Variants in PIK3AP1 observed in about 807,000 individuals in gnomAD.
PIK3AP1 encodes phosphoinositide-3-kinase adaptor protein 1.
PIK3AP1 carries 21 observed loss-of-function variants against 88.1 expected under a neutral mutation model. The observed-to-expected ratio is 0.24, with a 90% confidence interval of 0.17 to 0.34. PIK3AP1 has a LOEUF of 0.34. PIK3AP1 is among the 10% of genes least tolerant of loss of function. PIK3AP1 has a pLI of 1.00. For missense variants in PIK3AP1, 828 were observed against 1,035.7 expected (o/e 0.80, Z 2.75); for synonymous variants, 398 against 400.0 (o/e 1.00, Z 0.06).
chr10:96,697,628 C>A (rs1844238760), intron 2 of PIK3AP1, among the ~76,000 whole-genome samples: 1 of 152,030 alleles, frequency 6.6e-6, no homozygotes, highest in Admixed American at 6.5e-5. Context: ...ATTCAAGAGG[C>A]TGAGATGAGA....
At chr10:96,699,703 G>T (rs1844269911) in intron 2 of PIK3AP1, among the ~76,000 whole-genome samples, 1 of 152,158 alleles carries the variant, frequency 6.6e-6, no homozygotes, top group Non-Finnish European at 1.5e-5. Context: ...CAATAACCAG[G>T]CCTTGGACTA....
chr10:96,700,956 T>G, intron 2 of PIK3AP1: 5 of 585,148 alleles, frequency 8.5e-6, no homozygotes, highest in Non-Finnish European at 8.5e-6. Flanking sequence ...CAGCCCATAA[T>G]AGCCTATAAC....
chr10:96,637,627 G>A (rs1224561343), intron 8 of PIK3AP1, among the ~76,000 whole-genome samples: 1 of 152,096 alleles, frequency 6.6e-6, no homozygotes, highest in Admixed American at 6.5e-5. Context: ...TGAGATTACA[G>A]GCATGAGCCA....
chr10:96,720,335 G>A lies in PIK3AP1; in HGVS notation c.13+47C>T, dbSNP rs1564995321. The A allele has an allele frequency of 2.4e-6, 3 of 1,242,782 alleles. No homozygotes were observed. The highest frequency in any genetic ancestry group is 3.2e-5 in the East Asian group (1 of 31,698). 77.0% of individuals were successfully genotyped at this position (1,242,782 alleles called of 1,614,324 possible). On this transcript the variant is annotated intron_variant, in intron 1 of 16. Transcript: ENST00000339364. This position sits in a 1 kb window ranked among gnomAD's most constrained non-coding sequence, Gnocchi z 4.6. ...GCGCGCCTCAAGGGATGCGGGGTAC[G>A]AGAGAGGGGCCGGGAGCCCGGGGAC... is the stretch of plus-strand genomic sequence containing the variant.
chr10:96,674,392 T>G (rs1403220820), intron 2 of PIK3AP1, among the ~76,000 whole-genome samples: 2 of 152,222 alleles, frequency 1.3e-5, no homozygotes, highest in Non-Finnish European at 2.9e-5. Context: ...GATGGATTTA[T>G]TTATGCCTGC....
chr10:96,612,341 GAA>G (rs1401193864), intron 13 of PIK3AP1, among the ~76,000 whole-genome samples: 1 of 152,152 alleles, frequency 6.6e-6, no homozygotes, highest in African/African-American at 2.4e-5. Context: ...TGGGGTTGGA[GAA>G]AAATGGGCAA....
chr10:96,599,371 T>G (rs1279620735), intron 16 of PIK3AP1, among the ~76,000 whole-genome samples: 1 of 152,028 alleles, frequency 6.6e-6, no homozygotes, highest in Non-Finnish European at 1.5e-5. Context: ...TGAATGAAGA[T>G]CCCCAGTCAA....
chr10:96,645,630 T>G lies in PIK3AP1; in HGVS notation c.1218A>C (p.Lys406Asn), dbSNP rs1177724670. The G allele has an allele frequency of 6.2e-7, 1 of 1,609,160 alleles. No homozygotes were observed. Among genetic ancestry groups the G allele is most frequent in the Admixed American group, 1.7e-5 (1 of 59,228 alleles). ...CCTCCTCCCCGTGCATCAGTTCCTC[T>G]TTAATGTGACTCTTGAGCATGTCCA... ...ETVDMLKSHI[K>N]EELMHGEEAD... Residue 406 changes from lysine (K) to asparagine (N), a missense_variant, in exon 8 of 17, where the codon AAA (lysine) becomes AAC (asparagine). Around this residue, in one of 3 missense-constraint regions of PIK3AP1, gnomAD observed 610 missense variants for 760.1 expected, o/e 0.80. Transcript: ENST00000339364.
At chr10:96,611,502 G>A (rs576389885) in intron 13 of PIK3AP1, among the ~76,000 whole-genome samples, 156 of 151,822 alleles carry the variant, frequency 1.0e-3, no homozygotes, top group Non-Finnish European at 1.9e-3. Flanking sequence ...AAGGAATCTC[G>A]CTCTGTCGCC....
chr10:96,647,690 CAG>C (rs1232376085), intron 7 of PIK3AP1, among the ~76,000 whole-genome samples: 1 of 152,200 alleles, frequency 6.6e-6, no homozygotes, highest in Admixed American at 6.5e-5. Context: ...TTTTCCAACA[CAG>C]AGCAGAGAGT....
intron 2 of PIK3AP1, among the ~76,000 whole-genome samples, chr10:96,691,431 T>C (rs1284628554): frequency 6.6e-6 from 1 of 152,256 alleles, no homozygotes; most frequent in Non-Finnish European, 1.5e-5. Flanking sequence ...ATGTAAACTG[T>C]GGAAGCCAAG....
At chr10:96,643,137 T>C (rs1843413737) in intron 8 of PIK3AP1, among the ~76,000 whole-genome samples, 2 of 152,038 alleles carry the variant, frequency 1.3e-5, no homozygotes, top group Non-Finnish European at 2.9e-5. Context: ...GGTATATGGA[T>C]AGGATGATGG....
chr10:96,652,299 G>A (rs1843548956), intron 4 of PIK3AP1, among the ~76,000 whole-genome samples: 1 of 152,214 alleles, frequency 6.6e-6, no homozygotes, highest in South Asian at 2.1e-4. Flanking sequence ...AAGTAGCTGG[G>A]TGCCGTGGCT....
intron 8 of PIK3AP1, among the ~76,000 whole-genome samples, chr10:96,643,208 G>A (rs889972713): frequency 6.6e-6 from 1 of 152,236 alleles, no homozygotes. Context: ...GCAGATAGGG[G>A]AAGAAAGGCT....
intron 1 of PIK3AP1, among the ~76,000 whole-genome samples, chr10:96,715,874 A>C (rs1448491064): frequency 6.6e-6 from 1 of 151,568 alleles, no homozygotes; most frequent in Non-Finnish European, 1.5e-5. Context: ...TGGGCAACAG[A>C]GCGAGACTCC....
chr10:96,602,864 AG>A (rs1448176737), intron 15 of PIK3AP1, among the ~76,000 whole-genome samples: 1 of 152,184 alleles, frequency 6.6e-6, no homozygotes, highest in African/African-American at 2.4e-5. Flanking sequence ...CCCTGCTCGG[AG>A]GCCTAGTGGA....
chr10:96,693,550 G>A (rs993197351), intron 2 of PIK3AP1, among the ~76,000 whole-genome samples: 8 of 152,192 alleles, frequency 5.3e-5, no homozygotes, highest in Admixed American at 3.3e-4. Context: ...ATGCAGGGTA[G>A]AGGAAGAGCT....
intron 2 of PIK3AP1, among the ~76,000 whole-genome samples, chr10:96,676,091 T>C (rs1331172480): frequency 6.6e-6 from 1 of 152,076 alleles, no homozygotes; most frequent in East Asian, 1.9e-4. Flanking sequence ...ACAACTCCTC[T>C]CCTGTCTTCT....
chr10:96,618,493 G>C (rs912480), intron 12 of PIK3AP1, among the ~76,000 whole-genome samples: 46,008 of 151,492 alleles, frequency 0.3, 7,280 homozygotes, highest in Admixed American at 0.39. Context: ...CTTTCCAGCA[G>C]ACTGAGTTAG....
Sources: allele counts gnomAD v4.1 joint callset (sites outside exome capture counted in the v4.1 genomes callset), GRCh38; gene constraint gnomAD v4.1.1; regional missense constraint gnomAD v4.1.1; non-coding constraint Gnocchi (gnomAD v3.1); transcripts MANE v1.5; gene names NCBI Gene and HGNC (gene_info 2026-07-23, HGNC 2026-07-21).